The following NAALADL2 variants were observed in gnomAD, a reference collection of about 807,000 sequenced individuals.
NAALADL2 encodes N-acetylated alpha-linked acidic dipeptidase like 2.
In NAALADL2, 76 loss-of-function variants were observed where a neutral mutation model predicts 87.2. That is an observed-to-expected ratio of 0.87 (90% CI 0.72 to 1.05). The LOEUF (loss-of-function observed/expected upper bound fraction) is 1.05. Ranked by LOEUF, NAALADL2 falls within the 50% of genes least tolerant of loss-of-function variation. NAALADL2 has a pLI of 0.00. For missense variants in NAALADL2, 1,089 were observed against 945.8 expected, an observed-to-expected ratio of 1.15 and a Z score of -1.99; for synonymous variants, 354 against 331.0, an observed-to-expected ratio of 1.07 and a Z score of -0.75.
At chr3:175,040,329 T>C (rs1753916016) in intron 1 of NAALADL2, among the ~76,000 whole-genome samples, 1 of 152,184 alleles carries the variant, frequency 6.6e-6, no homozygotes, top group South Asian at 2.1e-4. Context: ...GCAGAATCTG[T>C]TTTTTCCCCT....
intron 5 of NAALADL2, among the ~76,000 whole-genome samples, chr3:175,394,674 C>T (rs1339814256): frequency 3.3e-5 from 5 of 152,128 alleles, no homozygotes; most frequent in Non-Finnish European, 7.4e-5. Flanking sequence ...GTAGTCTCCC[C>T]TTATCTGCAG....
chr3:175,411,402 G>A (rs1278914473), intron 5 of NAALADL2, among the ~76,000 whole-genome samples: 1 of 152,166 alleles, frequency 6.6e-6, no homozygotes, highest in Admixed American at 6.6e-5. Context: ...GATTTTCAGA[G>A]AAGAGTGCGG....
intron 8 of NAALADL2, 136 bp from the exon 9 acceptor site, chr3:175,471,503 A>AG (rs1724878438): frequency 4.4e-5 from 5 of 113,248 alleles, no homozygotes; most frequent in Non-Finnish European, 3.6e-5. Flanking sequence ...GAAAGAAAGA[A>AG]AAAAAAAAAG....
intron 12 of NAALADL2, among the ~76,000 whole-genome samples, chr3:175,748,162 C>T (rs1248198104): frequency 6.6e-6 from 1 of 152,128 alleles, no homozygotes; most frequent in African/African-American, 2.4e-5. Flanking sequence ...TATGCATTAT[C>T]AAATCAATGT....
intron 1 of NAALADL2, among the ~76,000 whole-genome samples, chr3:175,072,855 C>T (rs971748601): frequency 2.6e-5 from 4 of 151,294 alleles, no homozygotes; most frequent in Non-Finnish European, 4.4e-5. Flanking sequence ...AGAAAAAAAA[C>T]GAAAAATGGA....
intron 2 of NAALADL2, among the ~76,000 whole-genome samples, chr3:175,180,239 A>T (rs1485010845): frequency 1.3e-5 from 2 of 152,046 alleles, no homozygotes; most frequent in Non-Finnish European, 2.9e-5. Context: ...TTTAAATAAA[A>T]AAGTCAGAAC....
chr3:175,097,252 T>G lies in NAALADL2; in HGVS notation c.506T>G (p.Leu169Arg). The G allele has an allele frequency of 1.2e-6, 2 of 1,612,854 alleles. No individual in the cohort carries two copies. Among genetic ancestry groups the G allele is most frequent in the Non-Finnish European group, 1.7e-6 (2 of 1,179,196 alleles). ...GATCCTCAGTTATATCAAGAGATTC[T>G]CAAGACAATCCAGGCAGAAGATATT... ...TVDPQLYQEI[L>R]KTIQAEDIKK... Residue 169 changes from leucine (L) to arginine (R), a missense_variant, in exon 2 of 14, where the codon CTC becomes CGC. Physicochemically the swap from Leu to Arg is moderately radical, Grantham distance 102. Coordinates refer to ENST00000454872, the MANE Select transcript of NAALADL2 (RefSeq NM_207015.3).
chr3:174,812,976 T>C (rs1232025716), intron 3 of NAALADL2, among the ~76,000 whole-genome samples: 2 of 152,204 alleles, frequency 1.3e-5, no homozygotes, highest in Admixed American at 1.3e-4. Context: ...GCTAATTTTT[T>C]ATTGAATAAA....
intron 1 of NAALADL2, among the ~76,000 whole-genome samples, chr3:174,966,011 T>C (rs1455182144): frequency 1.3e-5 from 2 of 152,076 alleles, no homozygotes; most frequent in African/African-American, 4.8e-5. Context: ...GAGTGCCCAT[T>C]TGAGATTCAT....
intron 6 of NAALADL2, 32 bp from the exon 7 acceptor site, chr3:175,463,369 A>G: frequency 1.5e-6 from 2 of 1,313,054 alleles, no homozygotes; most frequent in Non-Finnish European, 2.1e-6. Flanking sequence ...AAATATAAAG[A>G]AGCAAAAGTC....
chr3:175,235,010 T>C (rs1314861392), intron 3 of NAALADL2: 1 of 152,000 alleles, frequency 6.6e-6, no homozygotes, highest in Non-Finnish European at 1.5e-5. Flanking sequence ...TTCCTTTCTA[T>C]GGACTAGTTT....
intron 5 of NAALADL2, among the ~76,000 whole-genome samples, chr3:175,443,958 A>G (rs1331227986): frequency 2.0e-5 from 3 of 152,226 alleles, no homozygotes; most frequent in Admixed American, 6.5e-5. Flanking sequence ...AGTACTTTAG[A>G]TGCATGTGAT....
intron 1 of NAALADL2, among the ~76,000 whole-genome samples, chr3:175,039,947 T>C: frequency 6.6e-6 from 1 of 152,194 alleles, no homozygotes; most frequent in East Asian, 1.9e-4. Context: ...TCTGTACTGA[T>C]TATACTCAGT....
chr3:175,314,597 A>G (rs1758806621), intron 4 of NAALADL2, among the ~76,000 whole-genome samples: 1 of 110,978 alleles, frequency 9.0e-6, no homozygotes. Flanking sequence ...ATATATATAT[A>G]TAGGCTATAC....
At chr3:175,399,405 A>C (rs1770267234) in intron 5 of NAALADL2, among the ~76,000 whole-genome samples, 1 of 152,100 alleles carries the variant, frequency 6.6e-6, no homozygotes, top group African/African-American at 2.4e-5. Context: ...TATTAGGAAA[A>C]TAAAGGAATG....
intron 1 of NAALADL2, among the ~76,000 whole-genome samples, chr3:175,042,158 C>A (rs776207988): frequency 6.6e-6 from 1 of 152,094 alleles, no homozygotes; most frequent in Non-Finnish European, 1.5e-5. Flanking sequence ...CACATATGTG[C>A]GATCATATGA....
intron 1 of NAALADL2, among the ~76,000 whole-genome samples, chr3:174,871,376 A>G (rs919408083): frequency 6.6e-6 from 1 of 152,250 alleles, no homozygotes; most frequent in African/African-American, 2.4e-5. Context: ...ACACATTTTA[A>G]TTATGCTATA....
At chr3:175,527,134 A>C (rs1733525548) in intron 9 of NAALADL2, among the ~76,000 whole-genome samples, 1 of 152,144 alleles carries the variant, frequency 6.6e-6, no homozygotes, top group Non-Finnish European at 1.5e-5. Flanking sequence ...GGGACCTGCC[A>C]CAACCAATCT....
chr3:175,558,649 A>G (rs1242590339), intron 9 of NAALADL2, among the ~76,000 whole-genome samples: 1 of 152,158 alleles, frequency 6.6e-6, no homozygotes, highest in Non-Finnish European at 1.5e-5. Flanking sequence ...ATGGACATCC[A>G]GTTTTCCCAG....
Sources: gnomAD v4.1 joint callset for allele counts (sites outside exome capture counted in the v4.1 genomes callset) on GRCh38, gnomAD v4.1.1 for gene constraint, MANE v1.5 for transcripts, NCBI Gene and HGNC (gene_info 2026-07-23, HGNC 2026-07-21) for gene names.